Variants in TAP2 observed in about 807,000 individuals in gnomAD.
The protein encoded by TAP2 is transporter 2, ATP binding cassette subfamily B member, also known as antigen peptide transporter 2.
Under a neutral mutation model 74.7 loss-of-function variants are expected in TAP2, and 49 were observed. That is an observed-to-expected ratio of 0.66 (90% CI 0.52 to 0.83). The LOEUF is 0.83. TAP2 is among the 40% of genes least tolerant of loss of function. The pLI, the probability that TAP2 is intolerant of heterozygous loss-of-function variation, is 0.00. For synonymous variants in TAP2, 306 were observed against 368.4 expected (o/e 0.83, Z 1.94); for missense variants, 739 against 859.0 (o/e 0.86, Z 1.75).
chr6:32,834,276 T>C (rs112234641), intron 5 of TAP2, among the ~76,000 whole-genome samples: 2 of 152,242 alleles, frequency 1.3e-5, no homozygotes, highest in Non-Finnish European at 2.9e-5. Context: ...AAATGTGATA[T>C]ATGCACACAA....
At chr6:32,836,522 C>T (rs3819717) in intron 3 of TAP2, among the ~76,000 whole-genome samples, 78,866 of 151,992 alleles carry the variant, frequency 0.52, 20,632 homozygotes, top group South Asian at 0.54. Context: ...ATGGTTTCAT[C>T]GTTGTATGAA....
At position 32,837,593 on chromosome 6, in the gene TAP2, A is replaced by C; in HGVS notation, c.552T>G (p.Phe184Leu). 1 of 1,614,104 alleles carries C rather than the reference A, an allele frequency of 6.2e-7. No homozygotes were observed. Among genetic ancestry groups the C allele is most frequent in the Non-Finnish European group, 8.5e-7 (1 of 1,179,996 alleles). ...TGGCACTGGCAAAGGCATGGGGGTC[A>C]AAATCACCTCCCAGGATGTCAATCA... ...GRVIDILGGD[F>L]DPHAFASAIF... Residue 184 changes from phenylalanine to leucine, a missense_variant, in exon 3 of 12, where the codon TTT becomes TTG. Physicochemically the swap from Phe to Leu is conservative, Grantham distance 22. Transcript: ENST00000374897.
Position 32,832,266 on chromosome 6 carries a change from C to T in TAP2, c.1272+67G>A. 1 of 1,609,592 alleles carries T rather than the reference C, an allele frequency of 6.2e-7. No homozygotes were observed. The highest frequency in any genetic ancestry group is 2.2e-5 in the East Asian group (1 of 44,880). On this transcript the variant is annotated intron_variant, in intron 7 of 11. Transcript: ENST00000374897. This position sits in a 1 kb window ranked among gnomAD's most constrained non-coding sequence, Gnocchi z 5.9. ...ATTGTTAAAAAGAACAAATAAAGCC[C>T]AAGGCCCAGGAGTCCACAAAGAAAA...
rs200480879 is a variant in TAP2 at position 32,829,368 on chromosome 6, C to T, written c.1932+32G>A. 45 of 1,572,852 alleles carry T rather than the reference C, an allele frequency of 2.9e-5. No individual in the cohort carries two copies. The East Asian group carries it at 1.0e-3, about 36-fold the overall frequency. On this transcript the variant is annotated intron_variant, in intron 11 of 11. Coordinates refer to ENST00000374897, the MANE Select transcript of TAP2 (RefSeq NM_001290043.2). ...TCCTCCCAGCATGCCCCTCCCAGGC[C>T]CCACTGTCCCCTGCCCTCTCACGGT...
chr6:32,828,438 AC>A lies in TAP2; in HGVS notation c.*467del. 3.0e-6 allele frequency: 3 copies of A among 986,042 alleles called. No homozygotes were observed. Among genetic ancestry groups the A allele is most frequent in the Non-Finnish European group, 3.6e-6 (3 of 830,322 alleles). 61.1% of individuals were successfully genotyped at this position (986,042 alleles called of 1,614,324 possible). On this transcript the variant is annotated 3_prime_UTR_variant, in exon 12 of 12. Transcript: ENST00000374897. ...AATTTCTATCTCAAACAACAGATAA[AC>A]GACTGATGGGACAGGCAGCAAAATA... is the stretch of plus-strand genomic sequence containing the variant.
downstream of TAP2, among the ~76,000 whole-genome samples, chr6:32,824,860 T>G (rs959897810): frequency 6.6e-6 from 1 of 152,102 alleles, no homozygotes; most frequent in African/African-American, 2.4e-5. Flanking sequence ...TCTGCCTTAT[T>G]TTTAAATTTA....
Position 32,832,359 on chromosome 6 carries a change from G to T in TAP2, c.1246C>A (p.Gln416Lys). ...QGSLLSFMIY[Q>K]ESVGSYVQTL... ...TGCACATAGCTCCCCACGCTCTCCT[G>T]GTAGATCATAAAGGAAAGCAGGCTG... The change falls in exon 7 of 12, where the codon CAG becomes AAG. Residue 416 changes from glutamine to lysine, a missense_variant. Coordinates refer to ENST00000374897, the MANE Select transcript of TAP2 (RefSeq NM_001290043.2). The surrounding 1 kb of genome is among the most constrained non-coding windows in gnomAD (Gnocchi z 5.9). 1 of 1,612,988 alleles carries T rather than the reference G, an allele frequency of 6.2e-7. No homozygotes were observed. Among genetic ancestry groups the T allele is most frequent in the Non-Finnish European group, 8.5e-7 (1 of 1,180,000 alleles).
At chr6:32,824,480 G>A (rs755113331), downstream of TAP2, among the ~76,000 whole-genome samples, 94 of 152,048 alleles carry the variant, frequency 6.2e-4, no homozygotes, top group Non-Finnish European at 1.9e-4. Flanking sequence ...AATCTAATCT[G>A]AGAACTTTCC....
Position 32,827,391 on chromosome 6 carries a change from T to C in TAP2, c.*1515A>G. ...ATTAGGCCCTCGGCCAGGTAGCAGA[T>C]ATAAAGCTTAATAAGATATATGGCT... On this transcript the variant is annotated 3_prime_UTR_variant, in exon 12 of 12. Coordinates refer to ENST00000374897, the MANE Select transcript of TAP2 (RefSeq NM_001290043.2). The C allele has an allele frequency of 1.1e-6, 1 of 952,356 alleles. No individual in the cohort carries two copies. Among genetic ancestry groups the C allele is most frequent in the Non-Finnish European group, 1.3e-6 (1 of 799,954 alleles). The allele number at this position is 952,356 out of a possible 1,614,324, so 59.0% of individuals were successfully genotyped here.
Position 32,825,637 on chromosome 6 carries a change from C to G in TAP2, c.*3269G>C, listed in dbSNP as rs1768597656. The G allele has an allele frequency of 6.6e-6, 1 of 152,170 alleles. No homozygotes were observed. Among genetic ancestry groups the G allele is most frequent in the Non-Finnish European group, 1.5e-5 (1 of 68,044 alleles). The allele number at this position is 152,170 out of a possible 1,614,324, so 9.4% of individuals were successfully genotyped here. The stretch of plus-strand genomic sequence containing the variant: ...GAGAAGGATTGAGAGTGAGGCTTTC[C>G]TCTGTATACTTCTTTGTGTCTTTTG... On this transcript the variant is annotated 3_prime_UTR_variant, in exon 12 of 12. Transcript: ENST00000374897.
chr6:32,829,780 T>C (rs1165779728), intron 10 of TAP2, 150 bp downstream of exon 10: 2 of 1,206,064 alleles, frequency 1.7e-6, no homozygotes, highest in African/African-American at 1.5e-5. Flanking sequence ...GGCTGAAGAA[T>C]TCAGTGTGTG....
chr6:32,830,161 C>T (rs934496550), intron 9 of TAP2, 72 bp from the exon 10 acceptor site: 19 of 1,612,236 alleles, frequency 1.2e-5, no homozygotes, highest in Non-Finnish European at 1.5e-5. Flanking sequence ...TCCTCCCCAC[C>T]TACCTCCCTC....
chr6:32,828,674 A>AGCCC lies in TAP2; in HGVS notation c.*228_*231dup. The stretch of plus-strand genomic sequence containing the variant: ...GGAATTAAGTTTCCTGGACACAGAC[A>AGCCC]GCCCCCACCCCACCCCACCCCACCT... On this transcript the variant is annotated 3_prime_UTR_variant, in exon 12 of 12. Coordinates refer to ENST00000374897, the MANE Select transcript of TAP2 (RefSeq NM_001290043.2). 6 of 922,040 alleles carry AGCCC rather than the reference A, an allele frequency of 6.5e-6. No homozygotes were observed. The highest frequency in any genetic ancestry group is 7.8e-6 in the Non-Finnish European group (6 of 765,334). The allele number at this position is 922,040 out of a possible 1,614,324, so 57.1% of individuals were successfully genotyped here. A position where few individuals can be genotyped will look rare whatever the true frequency, so the allele number is the denominator to read the frequency against.
chr6:32,827,702 C>A lies in TAP2; in HGVS notation c.*1204G>T. On this transcript the variant is annotated 3_prime_UTR_variant, in exon 12 of 12. Coordinates refer to ENST00000374897, the MANE Select transcript of TAP2 (RefSeq NM_001290043.2). The stretch of plus-strand genomic sequence containing the variant: ...AAGTTTGTCGTGGAGCTGGATACAA[C>A]AGGAGAGGGTGAGACAGATGGGCTG... 1.0e-6 allele frequency: 1 copy of A among 954,066 alleles called. No individual in the cohort carries two copies. Among genetic ancestry groups the A allele is most frequent in the Non-Finnish European group, 1.2e-6 (1 of 801,974 alleles). 59.1% of individuals were successfully genotyped at this position (954,066 alleles called of 1,614,324 possible). A position where few individuals can be genotyped will look rare whatever the true frequency, so the allele number is the denominator to read the frequency against.
chr6:32,837,983 G>C lies in TAP2; in HGVS notation c.251C>G (p.Ala84Gly). The C allele has an allele frequency of 6.2e-7, 1 of 1,612,558 alleles. No homozygotes were observed. The highest frequency in any genetic ancestry group is 8.5e-7 in the Non-Finnish European group (1 of 1,179,850). ...PLTVSLRALV[A>G]GASRAPPARV... ...GGCTGGGGGAGCACGTGAGGCCCCCGCGACCAGGGCTCTCAGGGAGACAGT... is the reference window on the plus strand; with the variant it reads ...GGCTGGGGGAGCACGTGAGGCCCCCCCGACCAGGGCTCTCAGGGAGACAGT... The change falls in exon 2 of 12, where the codon GCG becomes GGG. Residue 84 changes from alanine (A) to glycine (G), a missense_variant. Physicochemically the swap from Ala to Gly is moderately conservative, Grantham distance 60. Coordinates refer to ENST00000374897, the MANE Select transcript of TAP2 (RefSeq NM_001290043.2).
At chr6:32,830,216 C>G (rs1768968655) in intron 9 of TAP2, 51 bp downstream of exon 9, 1 of 1,612,936 alleles carries the variant, frequency 6.2e-7, no homozygotes. Flanking sequence ...CCCATCCTCT[C>G]TCTGTACATG....
At position 32,832,846 on chromosome 6, in the gene TAP2, C is replaced by T; in HGVS notation, c.946-22G>A. The stretch of plus-strand genomic sequence containing the variant: ...CTTCCTGGAAAAGAGGGCCAGCAAA[C>T]ACCAGGGCTGATGTGCAAAGACAGC... On this transcript the variant is annotated intron_variant, in intron 5 of 11. Coordinates refer to ENST00000374897, the MANE Select transcript of TAP2 (RefSeq NM_001290043.2). The surrounding 1 kb of genome is among the most constrained non-coding windows in gnomAD (Gnocchi z 5.9). The T allele has an allele frequency of 6.2e-7, 1 of 1,610,460 alleles. No individual in the cohort carries two copies. Among genetic ancestry groups the T allele is most frequent in the East Asian group, 2.2e-5 (1 of 44,874 alleles).
At chr6:32,830,190 G>A (rs1768966120) in intron 9 of TAP2, 77 bp downstream of exon 9, 8 of 1,611,728 alleles carry the variant, frequency 5.0e-6, no homozygotes, top group East Asian at 2.2e-5. Context: ...CACCTGGTGC[G>A]CCTTCCCGTG....
At chr6:32,830,966 G>A (rs995800458) in intron 7 of TAP2, among the ~76,000 whole-genome samples, 160 bp from the exon 8 acceptor site, 14 of 152,186 alleles carry the variant, frequency 9.2e-5, no homozygotes, top group African/African-American at 2.9e-4. Context: ...GAATTTAAAA[G>A]TGGCACCAAT....
Sources: allele counts gnomAD v4.1 joint callset (sites outside exome capture counted in the v4.1 genomes callset), GRCh38; gene constraint gnomAD v4.1.1; non-coding constraint Gnocchi (gnomAD v3.1); transcripts MANE v1.5; gene names NCBI Gene and HGNC (gene_info 2026-07-23, HGNC 2026-07-21).